The following DLG4 variants were observed in gnomAD, a reference collection of about 807,000 sequenced individuals.
DLG4 encodes disks large homolog 4.
A neutral mutation model predicts 93.8 loss-of-function variants in DLG4; 7 were observed. The ratio of observed to expected loss-of-function variants is 0.07; its 90% CI spans 0.04 to 0.14. The LOEUF (loss-of-function observed/expected upper bound fraction) is 0.14. Among genes scored for constraint, DLG4 ranks in the 10% least tolerant of loss-of-function variants. The pLI is 1.00. For missense variants in DLG4, 545 were observed against 992.9 expected (o/e 0.55, Z 6.06); for synonymous variants, 341 against 387.6 (o/e 0.88, Z 1.41).
Position 7,203,961 on chromosome 17 carries a change from G to C in DLG4, c.210+47C>G, listed in dbSNP as rs1227364585. 1 of 1,600,988 alleles carries C rather than the reference G, an allele frequency of 6.2e-7. No homozygotes were observed. The highest frequency in any genetic ancestry group is 1.3e-5 in the African/African-American group (1 of 74,690). On this transcript the variant is annotated intron_variant, in intron 4 of 19. Coordinates refer to ENST00000399506, the MANE Select transcript of DLG4 (RefSeq NM_001321075.3). This position sits in a 1 kb window ranked among gnomAD's most constrained non-coding sequence, Gnocchi z 7.2. The stretch of plus-strand genomic sequence containing the variant: ...CCCAGACCACATGGCAGAAAGAAAG[G>C]TACAGACGGGAGGCCACGGGGACTG...
In DLG4 at chr17:7,195,163, C is replaced by G. The variant is rs1322697587; in HGVS notation, c.1302-668G>C. On this transcript the variant is annotated intron_variant, in intron 11 of 19. Transcript: ENST00000399506. The surrounding 1 kb of genome is among the most constrained non-coding windows in gnomAD (Gnocchi z 4.3). The stretch of plus-strand genomic sequence containing the variant: ...TCCCGTGTTTCCAAATAATGGTTAC[C>G]CTTACCAGTATCAAATTTCTATCAG... 6.6e-6 allele frequency among the ~76,000 whole-genome samples: 1 copy of G among 152,112 alleles called. No homozygotes were observed. Among genetic ancestry groups the G allele is most frequent in the East Asian group, 1.9e-4 (1 of 5,200 alleles).
chr17:7,217,325 C>A lies in DLG4; in HGVS notation c.-178G>T. On this transcript the variant is annotated 5_prime_UTR_variant, in exon 1 of 20. Coordinates refer to ENST00000399506, the MANE Select transcript of DLG4 (RefSeq NM_001321075.3). ...GTTGGAGAAGGGAAGGGGAGGGGAG[C>A]GTGGGAGGGAGGGGAAGGGGGCCCT... The A allele has an allele frequency of 9.6e-6, 1 of 104,212 alleles. No individual in the cohort carries two copies. The allele number at this position is 104,212 out of a possible 1,614,324, so 6.5% of individuals were successfully genotyped here.
In DLG4 at chr17:7,194,375, C is replaced by T. The variant is rs1369336588; in HGVS notation, c.1422G>A (p.Arg474=). 6.2e-7 allele frequency: 1 copy of T among 1,612,512 alleles called. No homozygotes were observed. ...DASDEEWWQA[R]RVHSDSETDD... ...CGGTCTCACTGTCAGAGTGGACCCG[C>T]CGTGCCTGCCACCACTCCTCATCAC... The change falls in exon 12 of 20, where the codon CGG becomes CGA. Residue 474 remains arginine, a synonymous_variant. Transcript: ENST00000399506. The surrounding 1 kb of genome is among the most constrained non-coding windows in gnomAD (Gnocchi z 4.4).
rs527277994 is a variant in DLG4, at chr17:7,194,875, C to T, written c.1302-380G>A. ...TCTACTAAAAATACAAAATATTAGC[C>T]GGGCACGGTGGCGGGTGCCTGTATT... On this transcript the variant is annotated intron_variant, in intron 11 of 19. Transcript: ENST00000399506. This position sits in a 1 kb window ranked among gnomAD's most constrained non-coding sequence, Gnocchi z 4.4. 3.9e-5 allele frequency among the ~76,000 whole-genome samples: 6 copies of T among 151,928 alleles called. No individual in the cohort carries two copies. The East Asian group carries it at 5.8e-4, about 15-fold the overall frequency.
At chr17:7,217,837 G>A, upstream of DLG4, 1 of 1,533,212 alleles carries the variant, frequency 6.5e-7, no homozygotes, top group South Asian at 1.2e-5. Flanking sequence ...TCATTTCTTA[G>A]AGAAGGAAGC....
chr17:7,192,071 G>C, intron 17 of DLG4, 69 bp from the exon 18 acceptor site: 1 of 888,858 alleles, frequency 1.1e-6, no homozygotes, highest in Non-Finnish European at 1.6e-6. Flanking sequence ...CAGTGCCGGA[G>C]GGACACGGAC....
upstream of DLG4, chr17:7,219,017 C>T (rs935238511): frequency 1.4e-6 from 1 of 693,886 alleles, no homozygotes; most frequent in Non-Finnish European, 2.5e-6. Flanking sequence ...GCTCCACACA[C>T]CCTGGCCCCC....
intron 8 of DLG4, among the ~76,000 whole-genome samples, chr17:7,197,431 T>C (rs566480513): frequency 6.6e-6 from 1 of 152,156 alleles, no homozygotes; most frequent in South Asian, 2.1e-4. Flanking sequence ...CTGCCATCCA[T>C]TCGTTGAAAA....
At chr17:7,218,187 C>T (rs374655022), upstream of DLG4, 4 of 1,510,404 alleles carry the variant, frequency 2.6e-6, no homozygotes, top group Non-Finnish European at 3.6e-6. Flanking sequence ...TTGGCTCACC[C>T]CTCCAGCCCT....
At chr17:7,200,542 C>CT (rs34670319) in intron 8 of DLG4, among the ~76,000 whole-genome samples, 79,298 of 147,302 alleles carry the variant, frequency 0.54, 21,856 homozygotes, top group Middle Eastern at 0.7. Flanking sequence ...AGCCACATTC[C>CT]TTTTTTTTTT....
chr17:7,187,734 A>G lies in DLG4; in HGVS notation c.*2974T>C, dbSNP rs1190634668. On this transcript the variant is annotated 3_prime_UTR_variant, in exon 20 of 20. Transcript: ENST00000399506. ...GAGAACGTTATCACAGCCTCAAGCC[A>G]TCTGCTATTACACAGAACCAAGCTA... Among the ~76,000 whole-genome samples the G allele has an allele frequency of 2.0e-5, 3 of 152,008 alleles. No homozygotes were observed. The highest frequency in any genetic ancestry group is 4.4e-5 in the Non-Finnish European group (3 of 68,032).
upstream of DLG4, chr17:7,220,046 G>A (rs753922855): frequency 1.9e-6 from 3 of 1,603,378 alleles, no homozygotes; most frequent in Admixed American, 5.0e-5. Context: ...GGGGGCGGAA[G>A]GTCTGTGTGT....
chr17:7,192,849 A>C (rs1444134358), intron 17 of DLG4, 96 bp downstream of exon 17: 2 of 1,353,614 alleles, frequency 1.5e-6, no homozygotes, highest in South Asian at 1.4e-5. Flanking sequence ...CAGCAGGGAA[A>C]GAGACAGAGA....
intron 1 of DLG4, among the ~76,000 whole-genome samples, chr17:7,214,311 C>G (rs890589166): frequency 6.6e-6 from 1 of 152,188 alleles, no homozygotes; most frequent in African/African-American, 2.4e-5. Context: ...CATCCCAGGT[C>G]AGCCCCGCCC....
intron 8 of DLG4, 102 bp from the exon 9 acceptor site, chr17:7,197,154 G>T: frequency 8.4e-7 from 1 of 1,189,180 alleles, no homozygotes. Context: ...AGGTGGAAGG[G>T]AAGATATTCT....
upstream of DLG4, chr17:7,218,283 T>C (rs748668101): frequency 1.2e-6 from 2 of 1,608,726 alleles, no homozygotes; most frequent in Non-Finnish European, 8.5e-7. Flanking sequence ...CCAGGATGTC[T>C]GTCACAGGAA....
At position 7,188,449 on chromosome 17, in the gene DLG4, T is replaced by G. The variant is rs1475958866; in HGVS notation, c.*2259A>C. Among the ~76,000 whole-genome samples the G allele has an allele frequency of 2.6e-5, 4 of 152,116 alleles. No individual in the cohort carries two copies. Among genetic ancestry groups the G allele is most frequent in the African/African-American group, 9.7e-5 (4 of 41,422 alleles). ...GGCCCTCTGCCTCAGCCTTACCCAC[T>G]GGAGCACCTGAGAATCAGAGAAAGG... On this transcript the variant is annotated 3_prime_UTR_variant, in exon 20 of 20. Transcript: ENST00000399506.
At chr17:7,202,796 C>T in intron 8 of DLG4, 107 bp downstream of exon 8, 1 of 1,401,992 alleles carries the variant, frequency 7.1e-7, no homozygotes, top group Non-Finnish European at 1.0e-6. Flanking sequence ...GTGGCTATTT[C>T]ATAGGGAATA....
intron 1 of DLG4, among the ~76,000 whole-genome samples, chr17:7,209,645 C>T (rs2142910766): frequency 6.6e-6 from 1 of 152,170 alleles, no homozygotes; most frequent in Middle Eastern, 3.4e-3. Context: ...TGGTGCACAC[C>T]TGTAGTCCCA....
Sources: gnomAD v4.1 joint callset for allele counts (sites outside exome capture counted in the v4.1 genomes callset) on GRCh38, gnomAD v4.1.1 for gene constraint, Gnocchi (gnomAD v3.1) non-coding constraint, MANE v1.5 for transcripts, NCBI Gene and HGNC (gene_info 2026-07-23, HGNC 2026-07-21) for gene names.